TRIO: variants seen among roughly 807,000 people sequenced by gnomAD.
The protein encoded by TRIO is trio Rho guanine nucleotide exchange factor.
TRIO carries 58 observed loss-of-function variants against 351.9 expected under a neutral mutation model. The observed-to-expected ratio is 0.16, with a 90% CI of 0.13 to 0.21. TRIO has a LOEUF of 0.21. Ranked by LOEUF, TRIO falls within the 10% of genes least tolerant of loss-of-function variation. The pLI, the probability that TRIO is intolerant of heterozygous loss-of-function variation, is 1.00. For missense variants in TRIO, 3,201 were observed against 4,027.8 expected, an observed-to-expected ratio of 0.79 and a Z score of 5.56; for synonymous variants, 1,758 against 1,595.7, an observed-to-expected ratio of 1.10 and a Z score of -2.42.
chr5:14,396,236 C>G (rs114408607), intron 28 of TRIO, among the ~76,000 whole-genome samples: 2,405 of 151,774 alleles, frequency 0.016, 58 homozygotes, highest in African/African-American at 0.054. Context: ...AAAGGAAATG[C>G]ATTTGACTGT....
chr5:14,482,710 C>T lies in TRIO; in HGVS notation c.6594C>T (p.Ser2198=), dbSNP rs756634289. The change falls in exon 46 of 57, where the codon AGC becomes AGT. Residue 2198 remains serine (S), a synonymous_variant. Transcript: ENST00000344204. ...IFLFEQIVIF[S]EPLDKKKGFS... ...TCTTTGAGCAGATCGTCATATTCAG[C>T]GAACCACTTGATAAAAAGAAGGGCT... 36 of 1,610,386 alleles carry T rather than the reference C, an allele frequency of 2.2e-5. No homozygotes were observed. The highest frequency in any genetic ancestry group is 1.5e-4 in the African/African-American group (11 of 74,806).
intron 33 of TRIO, among the ~76,000 whole-genome samples, chr5:14,410,746 G>A (rs150558572): frequency 1.3e-5 from 2 of 152,292 alleles, no homozygotes; most frequent in African/African-American, 4.8e-5. Context: ...ATTCTCAGAT[G>A]AGGCACACAA....
At chr5:14,422,493 T>G (rs1750252943) in intron 34 of TRIO, among the ~76,000 whole-genome samples, 1 of 152,230 alleles carries the variant, frequency 6.6e-6, no homozygotes. Context: ...AAATGACTAT[T>G]TATTTGCTTG....
intron 1 of TRIO, chr5:14,184,075 C>T: frequency 1.5e-6 from 1 of 654,176 alleles, no homozygotes; most frequent in Admixed American, 2.2e-5. Context: ...AGCTCCTAGG[C>T]CAGATGAGCA....
intron 40 of TRIO, among the ~76,000 whole-genome samples, chr5:14,476,609 T>G (rs1249693040): frequency 6.6e-6 from 1 of 151,966 alleles, no homozygotes; most frequent in African/African-American, 2.4e-5. Flanking sequence ...CTGGCCAACA[T>G]GGTGAAACCT....
rs1018322033 is a variant in TRIO at position 14,471,347 on chromosome 5, T to C, written c.5793T>C (p.Leu1931=). 2 of 1,614,094 alleles carry C rather than the reference T, an allele frequency of 1.2e-6. No homozygotes were observed. The highest frequency in any genetic ancestry group is 1.7e-6 in the Non-Finnish European group (2 of 1,180,004). ...MALEDRPSSL[L]VDQGDSSSPS... ...TGGAGGATCGCCCCAGCTCACTCCT[T>C]GTTGACCAGGGAGATAGTAGCAGCC... Residue 1931 remains leucine (L), a synonymous_variant, in exon 38 of 57, where the codon CTT becomes CTC. Coordinates refer to ENST00000344204, the MANE Select transcript of TRIO (RefSeq NM_007118.4).
At chr5:14,351,233 G>C (rs1171571397) in intron 11 of TRIO, among the ~76,000 whole-genome samples, 1 of 152,210 alleles carries the variant, frequency 6.6e-6, no homozygotes, top group Non-Finnish European at 1.5e-5. Flanking sequence ...AGGGCAGCAG[G>C]CATGTGGACC....
At chr5:14,263,007 A>G (rs966285385) in intron 1 of TRIO, among the ~76,000 whole-genome samples, 2 of 152,000 alleles carry the variant, frequency 1.3e-5, no homozygotes, top group South Asian at 2.1e-4. Flanking sequence ...TTGTTTGTCT[A>G]CATCTATTGA....
At chr5:14,393,818 T>A (rs1048404821) in intron 27 of TRIO, among the ~76,000 whole-genome samples, 4 of 152,224 alleles carry the variant, frequency 2.6e-5, no homozygotes, top group African/African-American at 9.6e-5. Flanking sequence ...AGGTAGATCC[T>A]CCTGCTCCAA....
intron 47 of TRIO, among the ~76,000 whole-genome samples, chr5:14,485,988 CAA>C (rs376098052): frequency 1.4e-5 from 2 of 139,028 alleles, no homozygotes; most frequent in Non-Finnish European, 1.6e-5. Flanking sequence ...AACTCTGTCT[CAA>C]AAAAAAAAAA....
intron 1 of TRIO, among the ~76,000 whole-genome samples, chr5:14,158,417 CCGCCTCA>C (rs1788243747): frequency 6.7e-6 from 1 of 149,604 alleles, no homozygotes; most frequent in Admixed American, 6.7e-5. Flanking sequence ...GAGTGAGACT[CCGCCTCA>C]AAAAAAAAAA....
rs557017995 is a variant in TRIO at position 14,162,081 on chromosome 5, ATTAG to A, written c.157+18202_157+18205del. Among the ~76,000 whole-genome samples, 19 of 152,282 alleles carry A rather than the reference ATTAG, an allele frequency of 1.2e-4. No homozygotes were observed. The East Asian group carries it at 3.7e-3, about 29-fold the overall frequency. ...CCACCGAGTTATGCCAAGGCACAGT[ATTAG>A]TTGTGGGTTATGGAATCACGGCCAA... On this transcript the variant is annotated intron_variant, in intron 1 of 56. Coordinates refer to ENST00000344204, the MANE Select transcript of TRIO (RefSeq NM_007118.4).
At chr5:14,154,216 G>A (rs1023359510) in intron 1 of TRIO, among the ~76,000 whole-genome samples, 1 of 152,076 alleles carries the variant, frequency 6.6e-6, no homozygotes, top group African/African-American at 2.4e-5. Flanking sequence ...TAATGTGGGG[G>A]TTGGGAGTAC....
chr5:14,457,735 T>C (rs1753467200), intron 34 of TRIO, among the ~76,000 whole-genome samples: 1 of 152,218 alleles, frequency 6.6e-6, no homozygotes, highest in South Asian at 2.1e-4. Flanking sequence ...GGGAGGTCTG[T>C]GTGCTTCAGG....
At chr5:14,173,190 C>CTTTTT (rs758636385) in intron 1 of TRIO, among the ~76,000 whole-genome samples, 2 of 66,514 alleles carry the variant, frequency 3.0e-5, no homozygotes, top group African/African-American at 1.5e-4. Flanking sequence ...TTGTATGTTC[C>CTTTTT]TTTTTTTTTT....
intron 47 of TRIO, among the ~76,000 whole-genome samples, chr5:14,485,971 A>G (rs993476746): frequency 2.6e-5 from 4 of 152,008 alleles, no homozygotes; most frequent in African/African-American, 9.7e-5. Flanking sequence ...CTGGGCAACA[A>G]GAGTGAAACT....
intron 30 of TRIO, chr5:14,399,416 T>C (rs563058342): frequency 2.9e-6 from 1 of 339,286 alleles, no homozygotes; most frequent in South Asian, 1.1e-4. Flanking sequence ...GTTCTTATTA[T>C]AATTAATTTT....
intron 1 of TRIO, among the ~76,000 whole-genome samples, chr5:14,204,398 C>CT (rs1791332374): frequency 6.6e-6 from 1 of 152,026 alleles, no homozygotes; most frequent in Admixed American, 6.6e-5. Flanking sequence ...GAACTTACTC[C>CT]TTTTTTGTTC....
intron 48 of TRIO, chr5:14,488,942 T>A (rs758100133): frequency 3.9e-6 from 3 of 763,876 alleles, no homozygotes. Flanking sequence ...CCATCACTCA[T>A]GCTGCCGTCT....
Sources: gnomAD v4.1 joint callset for allele counts (sites outside exome capture counted in the v4.1 genomes callset) on GRCh38, gnomAD v4.1.1 for gene constraint, MANE v1.5 for transcripts, NCBI Gene and HGNC (gene_info 2026-07-23, HGNC 2026-07-21) for gene names.